The following TRMT2B variants were observed in gnomAD, a reference collection of about 807,000 sequenced individuals.
TRMT2B encodes the protein tRNA methyltransferase 2B.
In TRMT2B, 34 loss-of-function variants were observed where a neutral mutation model predicts 39.7. The ratio of observed to expected loss-of-function variants is 0.86; its 90% CI spans 0.65 to 1.14. TRMT2B has a LOEUF of 1.14. Ranked by LOEUF, TRMT2B falls within the 50% of genes most tolerant of loss-of-function variation. The pLI is 0.00. For missense variants in TRMT2B, 318 were observed against 377.2 expected, an observed-to-expected ratio of 0.84 and a Z score of 1.30; for synonymous variants, 132 against 137.3, an observed-to-expected ratio of 0.96 and a Z score of 0.27.
intron 8 of TRMT2B, among the ~76,000 whole-genome samples, chrX:101,022,753 C>T (rs1046477989): frequency 1.1e-4 from 12 of 111,424 alleles, no homozygotes; most frequent in African/African-American, 2.9e-4. Flanking sequence ...GCTTTGATTG[C>T]ACCACTGCAC....
intron 7 of TRMT2B, among the ~76,000 whole-genome samples, chrX:101,028,856 T>C (rs1205771365): frequency 9.0e-6 from 1 of 110,775 alleles, no homozygotes; most frequent in Non-Finnish European, 1.9e-5. Flanking sequence ...TATGGTTGTT[T>C]GTTAACTGTG....
chrX:101,041,492 A>G (rs1050293363), intron 3 of TRMT2B, 121 bp from the exon 4 acceptor site: 60 of 636,675 alleles, frequency 9.4e-5, no homozygotes, highest in Non-Finnish European at 1.1e-4. Flanking sequence ...AGTCTGGGAG[A>G]AGAGCCCATT....
At chrX:100,974,366 GTC>G in the TRMT2B span, among the ~76,000 whole-genome samples, 1 of 103,414 alleles carries the variant, frequency 9.7e-6, no homozygotes, top group African/African-American at 3.5e-5. Flanking sequence ...ATCTCTCTCT[GTC>G]TCTCTCTCTC....
chrX:101,021,449 T>C, intron 9 of TRMT2B, 134 bp from the exon 10 acceptor site: 1 of 505,934 alleles, frequency 2.0e-6, no homozygotes, highest in Non-Finnish European at 3.3e-6. Context: ...GCCAACATGG[T>C]GAAATCTCAT....
intron 7 of TRMT2B, 94 bp downstream of exon 7, chrX:101,035,519 C>G (rs897486950): frequency 1.6e-5 from 12 of 763,251 alleles, no homozygotes; most frequent in Admixed American, 4.5e-5. Context: ...CCCTCTAGCA[C>G]TAGAATTGGC....
the TRMT2B span, chrX:100,986,984 G>A: frequency 1.6e-6 from 1 of 624,752 alleles, no homozygotes; most frequent in Non-Finnish European, 2.4e-6. Context: ...AGTCCCATAT[G>A]TTGGGTTTGG....
At chrX:100,987,022 C>T in the TRMT2B span, 3 of 442,601 alleles carry the variant, frequency 6.8e-6, no homozygotes, top group African/African-American at 2.5e-5. Flanking sequence ...TCAGGCAACA[C>T]CCACAGTGAT....
intron 3 of TRMT2B, 61 bp downstream of exon 3, chrX:101,041,981 A>G: frequency 2.6e-6 from 3 of 1,163,488 alleles, no homozygotes; most frequent in Non-Finnish European, 3.5e-6. Context: ...GGAATACAGA[A>G]TTTCAGCAGA....
the TRMT2B span, chrX:100,986,005 C>A: frequency 9.4e-7 from 1 of 1,063,168 alleles, no homozygotes; most frequent in Non-Finnish European, 1.2e-6. Context: ...CCCTTTGTCA[C>A]ACCCAGCTAG....
At chrX:101,015,961 A>G (rs756534848) in intron 13 of TRMT2B, among the ~76,000 whole-genome samples, 2 of 110,657 alleles carry the variant, frequency 1.8e-5, no homozygotes, top group African/African-American at 6.5e-5. Flanking sequence ...TCCCAGCTAC[A>G]TGGGAGGCTG....
intron 13 of TRMT2B, chrX:101,013,742 CAA>C (rs149508279): frequency 7.7e-4 from 30 of 38,885 alleles, no homozygotes; most frequent in South Asian, 1.5e-3. Context: ...GACTCCGTCT[CAA>C]AAAAAAAAAA....
the TRMT2B span, chrX:100,987,372 T>C: frequency 8.3e-7 from 1 of 1,207,763 alleles, no homozygotes; most frequent in Non-Finnish European, 1.1e-6. Context: ...TGCAGCCTTC[T>C]CTTCTCTTTT....
the TRMT2B span, chrX:100,985,750 C>A: frequency 8.3e-7 from 1 of 1,211,217 alleles, no homozygotes; most frequent in Non-Finnish European, 1.1e-6. Flanking sequence ...CATCTATGAC[C>A]TGAATGGAGA....
the TRMT2B span, among the ~76,000 whole-genome samples, chrX:100,980,008 C>G: frequency 9.0e-6 from 1 of 110,927 alleles, no homozygotes; most frequent in African/African-American, 3.3e-5. Flanking sequence ...TACAAGCACT[C>G]TTGTGGCCAC....
chrX:101,030,260 T>C (rs2087364075), intron 7 of TRMT2B, among the ~76,000 whole-genome samples: 2 of 109,991 alleles, frequency 1.8e-5, no homozygotes, highest in African/African-American at 3.3e-5. Context: ...TGAGACTTTG[T>C]CTCAAACAAA....
chrX:100,982,673 A>G, the TRMT2B span, among the ~76,000 whole-genome samples: 2 of 96,125 alleles, frequency 2.1e-5, no homozygotes, highest in Non-Finnish European at 4.1e-5. Context: ...TTTGAGACAG[A>G]GTCTCACTCT....
chrX:101,013,323 G>A (rs1460896313), intron 13 of TRMT2B, among the ~76,000 whole-genome samples: 1 of 111,550 alleles, frequency 9.0e-6, no homozygotes, highest in Non-Finnish European at 1.9e-5. Context: ...AGTATTAGAA[G>A]GAGAGGGACA....
chrX:101,028,589 G>T (rs1038326484), intron 7 of TRMT2B, among the ~76,000 whole-genome samples: 1 of 111,068 alleles, frequency 9.0e-6, no homozygotes, highest in Non-Finnish European at 1.9e-5. Context: ...ATCCAACCAC[G>T]CCCCCACCAA....
intron 2 of TRMT2B, 70 bp from the exon 3 acceptor site, chrX:101,042,382 T>C: frequency 9.2e-7 from 1 of 1,086,143 alleles, no homozygotes; most frequent in Non-Finnish European, 1.2e-6. Context: ...CATCCACTTA[T>C]AAACCCTTAT....
Sources: allele counts gnomAD v4.1 joint callset (sites outside exome capture counted in the v4.1 genomes callset), GRCh38; gene constraint gnomAD v4.1.1; transcripts MANE v1.5; gene names NCBI Gene and HGNC (gene_info 2026-07-23, HGNC 2026-07-21).